The following GRID1 variants were observed in gnomAD, a reference collection of about 807,000 sequenced individuals.
GRID1 encodes the protein glutamate receptor ionotropic, delta-1.
GRID1 carries 28 observed loss-of-function variants against 98.0 expected under a neutral mutation model. The ratio of observed to expected loss-of-function variants is 0.29; its 90% CI spans 0.21 to 0.39. The LOEUF (loss-of-function observed/expected upper bound fraction) is 0.39. Ranked by LOEUF, GRID1 falls within the 10% of genes least tolerant of loss-of-function variation. The probability of loss-of-function intolerance (pLI) is 1.00; values close to 1 mark genes in which losing one functional copy is unlikely to be tolerated. For synonymous variants in GRID1, 553 were observed against 538.5 expected, an observed-to-expected ratio of 1.03 and a Z score of -0.37; for missense variants, 1,111 against 1,340.5, an observed-to-expected ratio of 0.83 and a Z score of 2.67.
At chr10:86,101,663 C>T (rs1716715573) in intron 4 of GRID1, among the ~76,000 whole-genome samples, 1 of 144,284 alleles carries the variant, frequency 6.9e-6, no homozygotes. Context: ...GACAGAGTCT[C>T]ACTCTGCTCT....
intron 4 of GRID1, among the ~76,000 whole-genome samples, chr10:85,966,694 A>C (rs1293238065): frequency 6.6e-6 from 1 of 151,968 alleles, no homozygotes; most frequent in Non-Finnish European, 1.5e-5. Context: ...TGTACCTGTA[A>C]TCCCAGCTAC....
chr10:86,041,186 G>A (rs1473566566), intron 4 of GRID1, among the ~76,000 whole-genome samples: 2 of 152,192 alleles, frequency 1.3e-5, no homozygotes, highest in East Asian at 1.9e-4. Context: ...CCTTGGTCCA[G>A]CCATTATTAA....
At chr10:86,133,953 T>G (rs1054407995) in intron 4 of GRID1, among the ~76,000 whole-genome samples, 2 of 152,208 alleles carry the variant, frequency 1.3e-5, no homozygotes, top group Non-Finnish European at 2.9e-5. Context: ...ATTTTTCCAC[T>G]CTTTCCAGTG....
At chr10:86,332,362 C>T (rs1444973424) in intron 2 of GRID1, among the ~76,000 whole-genome samples, 1 of 152,142 alleles carries the variant, frequency 6.6e-6, no homozygotes, top group Non-Finnish European at 1.5e-5. Context: ...GATTCAGCGG[C>T]ATGAGGTATG....
intron 4 of GRID1, among the ~76,000 whole-genome samples, chr10:86,124,761 C>A (rs762705442): frequency 6.6e-6 from 1 of 152,124 alleles, no homozygotes. Flanking sequence ...CAATTAATAT[C>A]GAATCCATTT....
At chr10:86,326,611 AAC>A (rs1848054449) in intron 2 of GRID1, among the ~76,000 whole-genome samples, 2 of 152,238 alleles carry the variant, frequency 1.3e-5, no homozygotes, top group Non-Finnish European at 2.9e-5. Context: ...TAAAGAGAAG[AAC>A]AATTTGCCAT....
chr10:85,877,800 G>C (rs1026423818), intron 5 of GRID1, among the ~76,000 whole-genome samples: 3 of 152,150 alleles, frequency 2.0e-5, no homozygotes, highest in Non-Finnish European at 2.9e-5. Flanking sequence ...AGAGAAGAAG[G>C]CTTCAGACGA....
rs143931090 is a variant in GRID1, at chr10:86,289,401, C to T, written c.235+74540G>A. On this transcript the variant is annotated intron_variant, in intron 2 of 15. Coordinates refer to ENST00000327946, the MANE Select transcript of GRID1 (RefSeq NM_017551.3). ...TGAAGCAGTCATCACCCCTTCAGACCCCTCGGCTGCCCTTGGTGATTCAGC... is the reference window on the plus strand; with the variant it reads ...TGAAGCAGTCATCACCCCTTCAGACTCCTCGGCTGCCCTTGGTGATTCAGC... Among the ~76,000 whole-genome samples the T allele has an allele frequency of 4.3e-3, 649 of 152,088 alleles. 6 individuals carry two copies. Among genetic ancestry groups the T allele is most frequent in the African/African-American group, 0.015 (617 of 41,460 alleles).
chr10:85,645,124 G>C (rs556348287), intron 13 of GRID1, among the ~76,000 whole-genome samples: 1 of 151,844 alleles, frequency 6.6e-6, no homozygotes, highest in Non-Finnish European at 1.5e-5. Context: ...GTAATGAATA[G>C]AACTTTAACA....
intron 4 of GRID1, among the ~76,000 whole-genome samples, chr10:85,974,112 G>A (rs1379155789): frequency 2.6e-5 from 4 of 152,066 alleles, no homozygotes; most frequent in East Asian, 1.9e-4. Flanking sequence ...TGCTTTCTAC[G>A]GAAAGTCTAT....
At chr10:85,994,648 G>A (rs1485967502) in intron 4 of GRID1, among the ~76,000 whole-genome samples, 1 of 152,222 alleles carries the variant, frequency 6.6e-6, no homozygotes, top group African/African-American at 2.4e-5. Context: ...TACTCAGCAC[G>A]TGATTACGCA....
intron 3 of GRID1, among the ~76,000 whole-genome samples, chr10:86,177,441 G>A (rs1421837099): frequency 6.6e-6 from 1 of 152,048 alleles, no homozygotes; most frequent in Non-Finnish European, 1.5e-5. Flanking sequence ...CTGTGTATGG[G>A]GGGGTGGGTG....
chr10:86,027,038 A>T (rs1309019653), intron 4 of GRID1, among the ~76,000 whole-genome samples: 1 of 152,260 alleles, frequency 6.6e-6, no homozygotes, highest in Admixed American at 6.5e-5. Flanking sequence ...ACTCAGAAGG[A>T]GCAGCCTGTC....
chr10:86,247,973 C>T (rs937495183), intron 2 of GRID1, among the ~76,000 whole-genome samples: 4 of 152,158 alleles, frequency 2.6e-5, no homozygotes, highest in African/African-American at 9.7e-5. Flanking sequence ...TTATGACCAC[C>T]CTGACAACCA....
chr10:85,654,588 C>T (rs1840872190), intron 12 of GRID1, among the ~76,000 whole-genome samples: 4 of 152,196 alleles, frequency 2.6e-5, no homozygotes, highest in African/African-American at 9.7e-5. Context: ...TCCCATCAGC[C>T]AAGATCCATT....
At chr10:85,701,206 T>G (rs1841447208) in intron 12 of GRID1, among the ~76,000 whole-genome samples, 1 of 152,124 alleles carries the variant, frequency 6.6e-6, no homozygotes, top group Non-Finnish European at 1.5e-5. Flanking sequence ...ATGCATCATC[T>G]CCGTGGATTT....
intron 8 of GRID1, among the ~76,000 whole-genome samples, chr10:85,776,110 C>T (rs1842328370): frequency 6.6e-6 from 1 of 152,032 alleles, no homozygotes; most frequent in African/African-American, 2.4e-5. Context: ...GGGTTTGTGT[C>T]CCAACCTAGG....
At chr10:85,903,587 T>C (rs145202080) in intron 5 of GRID1, among the ~76,000 whole-genome samples, 1 of 152,304 alleles carries the variant, frequency 6.6e-6, no homozygotes, top group African/African-American at 2.4e-5. Context: ...ATATATATAT[T>C]GCCCATCTTT....
Position 85,763,838 on chromosome 10 carries a change from A to G in GRID1, c.1234-34224T>C, listed in dbSNP as rs575105168. ...TCTCTTCTACTCGCACATAAACAGT[A>G]TTATCTTTTCCTTTCCAAAAGGTAC... On this transcript the variant is annotated intron_variant, in intron 8 of 15. Transcript: ENST00000327946. Among the ~76,000 whole-genome samples, 5 of 152,194 alleles carry G rather than the reference A, an allele frequency of 3.3e-5. No individual in the cohort carries two copies. In the East Asian group the frequency reaches 7.7e-4, roughly 23 times the overall value.
Sources: allele counts gnomAD v4.1 joint callset (sites outside exome capture counted in the v4.1 genomes callset), GRCh38; gene constraint gnomAD v4.1.1; transcripts MANE v1.5; gene names NCBI Gene and HGNC (gene_info 2026-07-23, HGNC 2026-07-21).